SERPINA1: variants seen among roughly 807,000 people sequenced by gnomAD.
SERPINA1 encodes the protein alpha-1-antitrypsin.
In SERPINA1, 21 loss-of-function variants were observed where a neutral mutation model predicts 25.4. The ratio of observed to expected loss-of-function variants is 0.83; its 90% CI spans 0.59 to 1.19. The LOEUF (loss-of-function observed/expected upper bound fraction) is 1.19, where lower values mean the gene tolerates loss of function less well. SERPINA1 is among the 50% of genes most tolerant of loss of function. The pLI is 0.00. For synonymous variants in SERPINA1, 218 were observed against 211.1 expected (o/e 1.03, Z -0.29); for missense variants, 546 against 509.0 (o/e 1.07, Z -0.70).
intron 1 of SERPINA1, among the ~76,000 whole-genome samples, chr14:94,384,522 G>A (rs549259001): frequency 1.3e-5 from 2 of 152,186 alleles, no homozygotes; most frequent in South Asian, 2.1e-4. Flanking sequence ...CAAAGTCAAC[G>A]TCATCCACAG....
chr14:94,385,338 GT>G (rs992623957), intron 1 of SERPINA1, among the ~76,000 whole-genome samples: 1 of 152,102 alleles, frequency 6.6e-6, no homozygotes, highest in Non-Finnish European at 1.5e-5. Context: ...AGGTTTTTGG[GT>G]TTTTTTTGAG....
chr14:94,379,314 G>T, intron 4 of SERPINA1, 150 bp downstream of exon 4: 1 of 1,185,306 alleles, frequency 8.4e-7, no homozygotes, highest in Non-Finnish European at 1.2e-6. Context: ...CACGTCCCGT[G>T]TCAGTGAATC....
At chr14:94,387,918 T>A (rs1323837765) in intron 1 of SERPINA1, among the ~76,000 whole-genome samples, 3 of 152,088 alleles carry the variant, frequency 2.0e-5, no homozygotes, top group Non-Finnish European at 4.4e-5. Flanking sequence ...TGGGTGACAG[T>A]GCCCCTCACA....
upstream of SERPINA1, chr14:94,389,001 T>TA (rs1036401906): frequency 1.8e-4 from 27 of 152,374 alleles, no homozygotes; most frequent in African/African-American, 6.3e-4. Context: ...GCTGAAGACT[T>TA]ACTGCCGCCC....
intron 3 of SERPINA1, chr14:94,380,651 C>T: frequency 1.6e-6 from 1 of 616,052 alleles, no homozygotes; most frequent in East Asian, 2.8e-5. Flanking sequence ...AGACCTTTAC[C>T]TCCTCACCCC....
intron 1 of SERPINA1, chr14:94,383,472 C>T (rs1037157289): frequency 1.7e-6 from 1 of 582,098 alleles, no homozygotes; most frequent in Non-Finnish European, 3.0e-6. Context: ...TCATTGCTTT[C>T]TTGTAACAAT....
intron 2 of SERPINA1, 92 bp downstream of exon 2, chr14:94,382,500 A>G: frequency 3.4e-6 from 5 of 1,464,450 alleles, no homozygotes; most frequent in Middle Eastern, 1.7e-4. Flanking sequence ...ATGGCCCATA[A>G]TGCATTGCCA....
Position 94,379,579 on chromosome 14 carries a change from A to G in SERPINA1, c.950T>C (p.Ile317Thr), listed in dbSNP as rs1896704693. The G allele has an allele frequency of 3.7e-6, 6 of 1,614,112 alleles. No individual in the cohort carries two copies. Among genetic ancestry groups the G allele is most frequent in the East Asian group, 2.2e-5 (1 of 44,902 alleles). Residue 317 changes from isoleucine to threonine, a missense_variant, in exon 4 of 5, where the codon ATT (isoleucine) becomes ACT (threonine). Coordinates refer to ENST00000393087, the MANE Select transcript of SERPINA1 (RefSeq NM_000295.5). ...SASLHLPKLS[I>T]TGTYDLKSVL... ...GCTCTTCAGATCATAGGTTCCAGTA[A>G]TGGACAGTTTGGGTAAATGTAAGCT...
rs142274938 is a variant in SERPINA1, at chr14:94,384,934, C to A, written c.-4-1693G>T. 3.9e-4 allele frequency among the ~76,000 whole-genome samples: 60 copies of A among 152,344 alleles called. 1 individual carries two copies. The highest frequency in any genetic ancestry group is 1.3e-3 in the African/African-American group (54 of 41,584). On this transcript the variant is annotated intron_variant, in intron 1 of 4. Coordinates refer to ENST00000393087, the MANE Select transcript of SERPINA1 (RefSeq NM_000295.5). ...CTCTAAGTAATCCAAATGGAACAGA[C>A]CACACATTACATAATACATGTTTGT...
chr14:94,384,846 A>G (rs1897188397), intron 1 of SERPINA1, among the ~76,000 whole-genome samples: 2 of 152,242 alleles, frequency 1.3e-5, no homozygotes, highest in African/African-American at 4.8e-5. Flanking sequence ...TTTCCTTCCA[A>G]TAAAGCAACA....
At position 94,379,465 on chromosome 14, in the gene SERPINA1, T is replaced by C. The variant is rs864622055; in HGVS notation, c.1064A>G (p.Lys355Arg). Residue 355 changes from lysine to arginine, a missense_variant and splice_region_variant, in exon 4 of 5, where the codon AAG becomes AGG. Physicochemically the swap from Lys to Arg is conservative, Grantham distance 26. Coordinates refer to ENST00000393087, the MANE Select transcript of SERPINA1 (RefSeq NM_000295.5). The stretch of plus-strand genomic sequence containing the variant: ...ACAAGGTCGTCAGGGTGATCTCACC[T>C]TGGAGAGCTTCAGGGGTGCCTCCTC... ...VTEEAPLKLS[K>R]AVHKAVLTID... The C allele has an allele frequency of 1.9e-6, 3 of 1,614,188 alleles. No homozygotes were observed. Among genetic ancestry groups the C allele is most frequent in the Non-Finnish European group, 2.5e-6 (3 of 1,180,038 alleles).
chr14:94,378,660 A>G lies in SERPINA1; in HGVS notation c.1066-20T>C. Reference sequence around the variant, plus strand: ...CACGGCCTGGAGGGGAGAGAAGCAGAGACACGTTGTAAGGCTGATCCCAGG... The same window carrying G: ...CACGGCCTGGAGGGGAGAGAAGCAGGGACACGTTGTAAGGCTGATCCCAGG... On this transcript the variant is annotated intron_variant, in intron 4 of 4. Transcript: ENST00000393087. 6.2e-7 allele frequency: 1 copy of G among 1,611,868 alleles called. No individual in the cohort carries two copies. The highest frequency in any genetic ancestry group is 8.5e-7 in the Non-Finnish European group (1 of 1,179,208).
In SERPINA1 at chr14:94,378,642, T is replaced by A; in HGVS notation, c.1066-2A>T. 1 of 1,613,534 alleles carries A rather than the reference T, an allele frequency of 6.2e-7. No individual in the cohort carries two copies. Among genetic ancestry groups the A allele is most frequent in the Non-Finnish European group, 8.5e-7 (1 of 1,179,844 alleles). On this transcript the variant is annotated splice_acceptor_variant, in intron 4 of 4. Transcript: ENST00000393087. LOFTEE classifies it high-confidence loss of function. ...GGTCAGCACAGCCTTATGCACGGCC[T>A]GGAGGGGAGAGAAGCAGAGACACGT...
At chr14:94,380,044 G>C (rs1334734597) in intron 3 of SERPINA1, among the ~76,000 whole-genome samples, 1 of 152,276 alleles carries the variant, frequency 6.6e-6, no homozygotes, top group Non-Finnish European at 1.5e-5. Flanking sequence ...TCCATGGGGA[G>C]ACAATGCCAC....
chr14:94,382,613 C>G lies in SERPINA1; in HGVS notation c.625G>C (p.Val209Leu), dbSNP rs780562960. The G allele has an allele frequency of 4.1e-5, 66 of 1,614,098 alleles. No homozygotes were observed. In the South Asian group the frequency reaches 7.0e-4, roughly 17 times the overall value. The stretch of plus-strand genomic sequence containing the variant: ...TTACCTTTAAAGAAGATGTAATTCA[C>G]CAGAGCAAAAACTGTGTCTCTGTCA... ...ELDRDTVFALVNYIFFKGKWE... is the reference protein window; with the variant it reads ...ELDRDTVFALLNYIFFKGKWE... Residue 209 changes from valine (V) to leucine (L), a missense_variant, in exon 2 of 5, where the codon GTG becomes CTG. By Grantham distance (32) the Val-to-Leu change is conservative. Coordinates refer to ENST00000393087, the MANE Select transcript of SERPINA1 (RefSeq NM_000295.5).
rs115223772 is a variant in SERPINA1 at position 94,387,341 on chromosome 14, G to T, written c.-5+1219C>A. 9.9e-3 allele frequency among the ~76,000 whole-genome samples: 1,506 copies of T among 152,342 alleles called. 23 individuals carry two copies. The highest frequency in any genetic ancestry group is 0.034 in the African/African-American group (1,429 of 41,570). ...AAATACACATAAAATGCCAAGAAGTGCCTGCTGCGCAGCAAGTTCTCGAGA... is the reference window on the plus strand; with the variant it reads ...AAATACACATAAAATGCCAAGAAGTTCCTGCTGCGCAGCAAGTTCTCGAGA... On this transcript the variant is annotated intron_variant, in intron 1 of 4. Coordinates refer to ENST00000393087, the MANE Select transcript of SERPINA1 (RefSeq NM_000295.5).
In SERPINA1 at chr14:94,379,461, C is replaced by G; in HGVS notation, c.1065+3G>C. ...TGCAACAAGGTCGTCAGGGTGATCTCACCTTGGAGAGCTTCAGGGGTGCCT... is the reference window on the plus strand; with the variant it reads ...TGCAACAAGGTCGTCAGGGTGATCTGACCTTGGAGAGCTTCAGGGGTGCCT... On this transcript the variant is annotated splice_donor_region_variant and intron_variant, in intron 4 of 4. Coordinates refer to ENST00000393087, the MANE Select transcript of SERPINA1 (RefSeq NM_000295.5). 6.2e-7 allele frequency: 1 copy of G among 1,614,170 alleles called. No homozygotes were observed. The highest frequency in any genetic ancestry group is 8.5e-7 in the Non-Finnish European group (1 of 1,180,054).
At chr14:94,386,437 C>T (rs1165867876) in intron 1 of SERPINA1, among the ~76,000 whole-genome samples, 1 of 152,184 alleles carries the variant, frequency 6.6e-6, no homozygotes, top group Non-Finnish European at 1.5e-5. Flanking sequence ...ACCTGTTGAA[C>T]TGGGCAATAA....
chr14:94,388,197 T>C (rs1268438532), intron 1 of SERPINA1, among the ~76,000 whole-genome samples: 3 of 152,114 alleles, frequency 2.0e-5, no homozygotes, highest in African/African-American at 4.8e-5. Flanking sequence ...ACAGAGGAGC[T>C]GTGCAAACAG....
Sources: gnomAD v4.1 joint callset for allele counts (sites outside exome capture counted in the v4.1 genomes callset) on GRCh38, gnomAD v4.1.1 for gene constraint, MANE v1.5 for transcripts, NCBI Gene and HGNC (gene_info 2026-07-23, HGNC 2026-07-21) for gene names.